The following DENND3 variants were observed in gnomAD, a reference collection of about 807,000 sequenced individuals.
DENND3 encodes the protein DENN domain-containing protein 3.
A neutral mutation model predicts 135.1 loss-of-function variants in DENND3; 88 were observed. The ratio of observed to expected loss-of-function variants is 0.65; its 90% CI spans 0.55 to 0.78. The LOEUF is 0.78. DENND3 is among the 30% of genes least tolerant of loss of function. The pLI is 0.00. For missense variants in DENND3, 1,392 were observed against 1,688.4 expected, an observed-to-expected ratio of 0.82 and a Z score of 3.08; for synonymous variants, 693 against 712.3, an observed-to-expected ratio of 0.97 and a Z score of 0.43.
In DENND3 at chr8:141,175,450, A is replaced by G; in HGVS notation, c.2526A>G (p.Arg842=). The change falls in exon 14 of 23, where the codon AGA becomes AGG. Residue 842 remains arginine (R), a synonymous_variant. Coordinates refer to ENST00000519811, the MANE Select transcript of DENND3 (RefSeq NM_001352890.3). This position sits in a 1 kb window ranked among gnomAD's most constrained non-coding sequence, Gnocchi z 5.4. ...GCTACTTGGAGATTTCCACCTTCAG[A>G]AATATAGAGGTAAGGACAGCACAGG... ...RPGYLEISTF[R]NIEEVRRTTT... is the part of the protein sequence containing the mutation. 6.2e-7 allele frequency: 1 copy of G among 1,614,170 alleles called. No homozygotes were observed. The highest frequency in any genetic ancestry group is 8.5e-7 in the Non-Finnish European group (1 of 1,180,034).
intron 19 of DENND3, 112 bp downstream of exon 19, chr8:141,189,258 G>C: frequency 7.2e-7 from 1 of 1,397,984 alleles, no homozygotes; most frequent in Non-Finnish European, 9.8e-7. Context: ...GGGGCGTACA[G>C]AGTGAAGTGG....
intron 5 of DENND3, among the ~76,000 whole-genome samples, chr8:141,147,241 C>G (rs765407761): frequency 1.2e-4 from 18 of 152,218 alleles, no homozygotes; most frequent in Non-Finnish European, 2.4e-4. Context: ...GACTTGGGGA[C>G]CACTGGCCTG....
rs1299907390 is a variant in DENND3 at position 141,146,734 on chromosome 8, G to A, written c.735+2475G>A. ...TGCCGGTGCATTCCAGTCCAGATACGCAGCAGGCCACCCGTCTCTGTCAGC... is the reference window on the plus strand; with the variant it reads ...TGCCGGTGCATTCCAGTCCAGATACACAGCAGGCCACCCGTCTCTGTCAGC... On this transcript the variant is annotated intron_variant, in intron 5 of 22. Coordinates refer to ENST00000519811, the MANE Select transcript of DENND3 (RefSeq NM_001352890.3). The surrounding 1 kb of genome is among the most constrained non-coding windows in gnomAD (Gnocchi z 4.3). 6.6e-6 allele frequency among the ~76,000 whole-genome samples: 1 copy of A among 152,124 alleles called. No homozygotes were observed. The highest frequency in any genetic ancestry group is 2.4e-5 in the African/African-American group (1 of 41,396).
At chr8:141,149,535 T>A (rs1289328435) in intron 5 of DENND3, among the ~76,000 whole-genome samples, 1 of 152,262 alleles carries the variant, frequency 6.6e-6, no homozygotes, top group Non-Finnish European at 1.5e-5. Flanking sequence ...ATCATTTACC[T>A]GCTTATTGCA....
chr8:141,141,535 G>T lies in DENND3; in HGVS notation c.623+211G>T. On this transcript the variant is annotated intron_variant, in intron 4 of 22. Transcript: ENST00000519811. This position sits in a 1 kb window ranked among gnomAD's most constrained non-coding sequence, Gnocchi z 5.3. ...TTAAGGCTGGGGGCAGTGGGCAGGG[G>T]GTGTGGCAGCGGGCGCTCCTCTCTG... 1 of 591,220 alleles carries T rather than the reference G, an allele frequency of 1.7e-6. No individual in the cohort carries two copies. The highest frequency in any genetic ancestry group is 3.0e-6 in the Non-Finnish European group (1 of 337,928). 36.6% of individuals were successfully genotyped at this position (591,220 alleles called of 1,614,324 possible). A position where few individuals can be genotyped will look rare whatever the true frequency, so the allele number is the denominator to read the frequency against.
chr8:141,165,398 T>C (rs1264703741), intron 11 of DENND3, 109 bp downstream of exon 11: 5 of 826,236 alleles, frequency 6.1e-6, no homozygotes, highest in Non-Finnish European at 7.8e-6. Flanking sequence ...AAATACCTTG[T>C]GCTTAGAAAC....
chr8:141,157,457 AC>A (rs1819580660), intron 8 of DENND3: 1 of 985,452 alleles, frequency 1.0e-6, no homozygotes, highest in African/African-American at 1.7e-5. Flanking sequence ...TGTGGGTCCA[AC>A]TGCAGCCAGG....
intron 7 of DENND3, among the ~76,000 whole-genome samples, chr8:141,152,974 A>G (rs1362101834): frequency 6.6e-6 from 1 of 151,988 alleles, no homozygotes; most frequent in Non-Finnish European, 1.5e-5. Context: ...CTGGTATCTC[A>G]CTGTGGTTTG....
Position 141,176,294 on chromosome 8 carries a change from AAAAAAAC to A in DENND3, c.2536-291_2536-285del, listed in dbSNP as rs1446749957. 2.9e-3 allele frequency: 777 copies of A among 266,536 alleles called. 5 individuals are homozygous for A. Among genetic ancestry groups the A allele is most frequent in the African/African-American group, 0.017 (747 of 44,662 alleles). The allele number at this position is 266,536 out of a possible 1,614,324, so 16.5% of individuals were successfully genotyped here. Reference sequence around the variant, plus strand: ...AAAAAAACAAAAACAAAACAAAAAAAAAAAAACAAAAAGAGGGAGAGAGAAGTATTTA... The same window carrying A: ...AAAAAAACAAAAACAAAACAAAAAAAAAAAAGAGGGAGAGAGAAGTATTTA... On this transcript the variant is annotated intron_variant, in intron 14 of 22. Coordinates refer to ENST00000519811, the MANE Select transcript of DENND3 (RefSeq NM_001352890.3).
At chr8:141,160,560 G>A in intron 8 of DENND3, 72 bp from the exon 9 acceptor site, 1 of 1,445,016 alleles carries the variant, frequency 6.9e-7, no homozygotes, top group Admixed American at 2.3e-5. Context: ...TTTACCTGGT[G>A]GGCTGTGTGC....
chr8:141,180,615 C>A (rs577167476), intron 16 of DENND3, 132 bp from the exon 17 acceptor site: 2 of 835,680 alleles, frequency 2.4e-6, no homozygotes, highest in African/African-American at 3.4e-5. Flanking sequence ...TCCAAGAGAC[C>A]TTCGTCTTCA....
At position 141,137,967 on chromosome 8, in the gene DENND3, T is replaced by A; in HGVS notation, c.386-55T>A. 6.5e-7 allele frequency: 1 copy of A among 1,540,812 alleles called. No homozygotes were observed. Among genetic ancestry groups the A allele is most frequent in the Non-Finnish European group, 8.8e-7 (1 of 1,137,266 alleles). On this transcript the variant is annotated intron_variant, in intron 2 of 22. Transcript: ENST00000519811. This position sits in a 1 kb window ranked among gnomAD's most constrained non-coding sequence, Gnocchi z 4.1. ...CACTGTGAAGAAATCAGCTCGTGGG[T>A]AACCCAGGCCACTTGGCAAGAACAG...
In DENND3 at chr8:141,151,919, T is replaced by G. The variant is rs1217891326; in HGVS notation, c.1074+82T>G. 2.6e-6 allele frequency: 4 copies of G among 1,530,596 alleles called. No homozygotes were observed. In the African/African-American group the frequency reaches 5.5e-5, roughly 21 times the overall value. The allele number at this position is 1,530,596 out of a possible 1,614,324, so 94.8% of individuals were successfully genotyped here. A position where few individuals can be genotyped will look rare whatever the true frequency, so the allele number is the denominator to read the frequency against. Reference sequence around the variant, plus strand: ...ACACATGGGAAGATGCGTCTGAAAGTGCTCCGCGGTGAAGGCGGGGTCTGT... The same window carrying G: ...ACACATGGGAAGATGCGTCTGAAAGGGCTCCGCGGTGAAGGCGGGGTCTGT... On this transcript the variant is annotated intron_variant, in intron 7 of 22. Coordinates refer to ENST00000519811, the MANE Select transcript of DENND3 (RefSeq NM_001352890.3).
chr8:141,190,146 T>G (rs147840009), intron 19 of DENND3, 138 bp from the exon 20 acceptor site: 2 of 1,162,638 alleles, frequency 1.7e-6, no homozygotes, highest in Non-Finnish European at 2.3e-6. Context: ...TATGTTTGCA[T>G]GTTATTATCA....
chr8:141,178,256 T>C (rs1569556562), intron 16 of DENND3, 60 bp downstream of exon 16: 2 of 1,563,934 alleles, frequency 1.3e-6, no homozygotes, highest in Non-Finnish European at 1.7e-6. Flanking sequence ...TAAGTGATTT[T>C]ATCTGGTCGA....
intron 8 of DENND3, 128 bp from the exon 9 acceptor site, chr8:141,160,504 C>A (rs1282193074): frequency 1.7e-6 from 2 of 1,195,614 alleles, no homozygotes; most frequent in African/African-American, 1.5e-5. Flanking sequence ...TAATGACCAC[C>A]CGCCCCTCAA....
chr8:141,194,381 G>C lies in DENND3; in HGVS notation c.*148G>C. The C allele has an allele frequency of 5.4e-6, 5 of 919,184 alleles. No homozygotes were observed. Among genetic ancestry groups the C allele is most frequent in the Non-Finnish European group, 8.1e-6 (5 of 616,466 alleles). The allele number at this position is 919,184 out of a possible 1,614,324, so 56.9% of individuals were successfully genotyped here. A position where few individuals can be genotyped will look rare whatever the true frequency, so the allele number is the denominator to read the frequency against. On this transcript the variant is annotated 3_prime_UTR_variant, in exon 23 of 23. Transcript: ENST00000519811. The stretch of plus-strand genomic sequence containing the variant: ...GCCCACTTACCGTGTGGCCAGCCGC[G>C]AGACCCATGGCCACGCACCTTCTCT...
Position 141,167,954 on chromosome 8 carries a change from C to A in DENND3, c.1754-50C>A. On this transcript the variant is annotated intron_variant, in intron 12 of 22. Transcript: ENST00000519811. The surrounding 1 kb of genome is among the most constrained non-coding windows in gnomAD (Gnocchi z 4.1). Reference sequence around the variant, plus strand: ...AGATGATGTGACAGGGACACGTGTTCATTTGGAAGGTCTGTGCTAATGGTC... The same window carrying A: ...AGATGATGTGACAGGGACACGTGTTAATTTGGAAGGTCTGTGCTAATGGTC... 1 of 1,553,716 alleles carries A rather than the reference C, an allele frequency of 6.4e-7. No homozygotes were observed. Among genetic ancestry groups the A allele is most frequent in the South Asian group, 1.2e-5 (1 of 81,764 alleles).
intron 8 of DENND3, among the ~76,000 whole-genome samples, chr8:141,158,808 G>A (rs113292584): frequency 0.015 from 2,263 of 152,286 alleles, 53 homozygotes; most frequent in African/African-American, 0.051. Flanking sequence ...GGCAGCAGGG[G>A]TAGGGTCGCC....
Sources: allele counts gnomAD v4.1 joint callset (sites outside exome capture counted in the v4.1 genomes callset), GRCh38; gene constraint gnomAD v4.1.1; non-coding constraint Gnocchi (gnomAD v3.1); transcripts MANE v1.5; gene names NCBI Gene and HGNC (gene_info 2026-07-23, HGNC 2026-07-21).